The following ERBB4 variants were observed in gnomAD, a reference collection of about 807,000 sequenced individuals.
ERBB4 encodes receptor tyrosine-protein kinase erbB-4.
A neutral mutation model predicts 158.0 loss-of-function variants in ERBB4; 42 were observed. The observed-to-expected ratio is 0.27, with a 90% CI of 0.21 to 0.34. ERBB4 has a LOEUF of 0.34. ERBB4 is among the 10% of genes least tolerant of loss of function. The pLI is 1.00. For missense variants in ERBB4, 1,333 were observed against 1,624.1 expected (o/e 0.82, Z 3.08); for synonymous variants, 583 against 558.7 (o/e 1.04, Z -0.61).
intron 1 of ERBB4, among the ~76,000 whole-genome samples, chr2:212,278,442 C>G (rs1462153257): frequency 6.6e-6 from 1 of 151,598 alleles, no homozygotes; most frequent in Non-Finnish European, 1.5e-5. Context: ...GCCTTATGGT[C>G]TTTTCAGTGA....
chr2:211,761,515 T>C (rs2106241394), intron 4 of ERBB4, among the ~76,000 whole-genome samples: 1 of 152,318 alleles, frequency 6.6e-6, no homozygotes, highest in African/African-American at 2.4e-5. Context: ...ATTGTCCCTC[T>C]GTGGCACATC....
intron 1 of ERBB4, among the ~76,000 whole-genome samples, chr2:212,153,898 A>G (rs1025511195): frequency 5.3e-5 from 8 of 152,140 alleles, no homozygotes; most frequent in Admixed American, 3.9e-4. Context: ...TAAAAAAGGC[A>G]GATTATGAAA....
chr2:212,111,552 A>G (rs1253151101), intron 2 of ERBB4, among the ~76,000 whole-genome samples: 1 of 151,812 alleles, frequency 6.6e-6, no homozygotes, highest in Non-Finnish European at 1.5e-5. Flanking sequence ...TTTCCTCCAC[A>G]TCTGTGAATA....
chr2:211,593,131 G>A (rs2068526935), intron 19 of ERBB4, among the ~76,000 whole-genome samples: 1 of 152,072 alleles, frequency 6.6e-6, no homozygotes, highest in Non-Finnish European at 1.5e-5. Context: ...GGTGACTCTA[G>A]CAGAAAGTCA....
At chr2:212,300,918 T>C (rs1480148283) in intron 1 of ERBB4, among the ~76,000 whole-genome samples, 2 of 151,538 alleles carry the variant, frequency 1.3e-5, no homozygotes. Context: ...CTCAGGTCTC[T>C]ATAAAGTAAA....
intron 2 of ERBB4, among the ~76,000 whole-genome samples, chr2:212,002,498 A>T (rs2076129619): frequency 6.6e-6 from 1 of 152,222 alleles, no homozygotes; most frequent in Admixed American, 6.5e-5. Flanking sequence ...TGAGACAAAA[A>T]TGAAACCCAG....
intron 20 of ERBB4, among the ~76,000 whole-genome samples, chr2:211,440,730 G>T (rs2125452235): frequency 6.6e-6 from 1 of 152,224 alleles, no homozygotes; most frequent in East Asian, 1.9e-4. Context: ...TTTCTTAAGT[G>T]TGGTTTACTT....
At chr2:212,168,042 A>G (rs2125664590) in intron 1 of ERBB4, among the ~76,000 whole-genome samples, 1 of 147,674 alleles carries the variant, frequency 6.8e-6, no homozygotes, top group Admixed American at 6.9e-5. Context: ...CGTTCTGCAT[A>G]TGTATCCAGG....
chr2:211,845,259 C>T (rs933235573), intron 3 of ERBB4, among the ~76,000 whole-genome samples: 10 of 151,936 alleles, frequency 6.6e-5, no homozygotes, highest in African/African-American at 2.2e-4. Context: ...CCATCACTAT[C>T]CCCACCACCA....
Position 211,699,535 on chromosome 2 carries a change from T to C in ERBB4, c.1489+2432A>G, listed in dbSNP as rs138332084. On this transcript the variant is annotated intron_variant, in intron 12 of 27. Coordinates refer to ENST00000342788, the MANE Select transcript of ERBB4 (RefSeq NM_005235.3). ...TTATGGATCCGGTGTGCTGTGAGAC[T>C]GAAGTCCAAATTTTGATAAATGAAT... Among the ~76,000 whole-genome samples, 288 of 152,254 alleles carry C rather than the reference T, an allele frequency of 1.9e-3. 1 individual carries two copies. The highest frequency in any genetic ancestry group is 3.2e-3 in the Non-Finnish European group (215 of 67,998).
chr2:212,511,832 C>T (rs964101193), intron 1 of ERBB4, among the ~76,000 whole-genome samples: 5 of 148,684 alleles, frequency 3.4e-5, no homozygotes, highest in Non-Finnish European at 5.9e-5. Flanking sequence ...TTCAGAAGCT[C>T]GACAATGTCA....
chr2:211,675,835 T>A (rs2072048615), intron 13 of ERBB4, among the ~76,000 whole-genome samples: 1 of 146,508 alleles, frequency 6.8e-6, no homozygotes. Context: ...TGGATTTTGG[T>A]AAATGTCATA....
chr2:211,725,007 C>T (rs1342528881), intron 6 of ERBB4, 69 bp downstream of exon 6: 9 of 1,148,612 alleles, frequency 7.8e-6, no homozygotes, highest in Non-Finnish European at 9.3e-6. Flanking sequence ...GACAAAGATT[C>T]AGTATGCCTG....
At chr2:211,387,728 T>C (rs1286489734) in intron 26 of ERBB4, among the ~76,000 whole-genome samples, 2 of 152,154 alleles carry the variant, frequency 1.3e-5, no homozygotes. Flanking sequence ...ATCCTTCAGA[T>C]AAAAATTGAA....
chr2:212,496,690 T>A (rs1435558603), intron 1 of ERBB4, among the ~76,000 whole-genome samples: 1 of 152,212 alleles, frequency 6.6e-6, no homozygotes, highest in Non-Finnish European at 1.5e-5. Context: ...TTCCCAAGTT[T>A]TAGAAAATTT....
At chr2:211,949,645 C>G (rs1218661247) in intron 2 of ERBB4, among the ~76,000 whole-genome samples, 1 of 152,154 alleles carries the variant, frequency 6.6e-6, no homozygotes, top group Non-Finnish European at 1.5e-5. Context: ...CATCAGTTCT[C>G]TTTCACATGA....
At chr2:211,936,932 T>C (rs764745052) in intron 3 of ERBB4, among the ~76,000 whole-genome samples, 2 of 152,156 alleles carry the variant, frequency 1.3e-5, no homozygotes, top group Non-Finnish European at 2.9e-5. Flanking sequence ...TTACAAAACA[T>C]TGACCATTTT....
chr2:211,730,681 T>C (rs553744030), intron 5 of ERBB4, among the ~76,000 whole-genome samples: 11 of 152,200 alleles, frequency 7.2e-5, no homozygotes, highest in African/African-American at 2.6e-4. Context: ...CCAGGTAATG[T>C]CTCTACCTAC....
intron 20 of ERBB4, among the ~76,000 whole-genome samples, chr2:211,475,772 G>A (rs572233726): frequency 1.3e-5 from 2 of 152,062 alleles, no homozygotes; most frequent in South Asian, 4.1e-4. Flanking sequence ...AAAGGATGAA[G>A]ATAATAAAAT....
Sources: gnomAD v4.1 joint callset for allele counts (sites outside exome capture counted in the v4.1 genomes callset) on GRCh38, gnomAD v4.1.1 for gene constraint, MANE v1.5 for transcripts, NCBI Gene and HGNC (gene_info 2026-07-23, HGNC 2026-07-21) for gene names.